The following KIAA1217 variants were observed in gnomAD, a reference collection of about 807,000 sequenced individuals.
KIAA1217 encodes KIAA1217.
KIAA1217 carries 88 observed loss-of-function variants against 163.9 expected under a neutral mutation model. The observed-to-expected ratio is 0.54, with a 90% CI of 0.45 to 0.64. KIAA1217 has a LOEUF of 0.64. Ranked by LOEUF, KIAA1217 falls within the 30% of genes least tolerant of loss-of-function variation. The pLI, the probability that KIAA1217 is intolerant of heterozygous loss-of-function variation, is 0.00. For missense variants in KIAA1217, 2,372 were observed against 2,475.0 expected (o/e 0.96, Z 0.88); for synonymous variants, 903 against 923.1 (o/e 0.98, Z 0.39).
chr10:24,532,953 C>A, intron 15 of KIAA1217, 117 bp from the exon 16 acceptor site: 2 of 850,316 alleles, frequency 2.4e-6, no homozygotes, highest in Non-Finnish European at 1.7e-6. Flanking sequence ...CAGCTATTTT[C>A]TCAGCTAAGA....
chr10:24,083,384 A>C (rs1203058664), intron 2 of KIAA1217, among the ~76,000 whole-genome samples: 2 of 152,170 alleles, frequency 1.3e-5, no homozygotes, highest in Non-Finnish European at 2.9e-5. Context: ...AATGTTCACT[A>C]TTTGAATAGC....
chr10:23,874,239 A>G (rs1250980428), intron 1 of KIAA1217, among the ~76,000 whole-genome samples: 3 of 151,992 alleles, frequency 2.0e-5, no homozygotes, highest in Non-Finnish European at 4.4e-5. Context: ...CCCTCCTTGA[A>G]TGGTGGTATG....
intron 2 of KIAA1217, among the ~76,000 whole-genome samples, chr10:24,279,200 C>T (rs537831130): frequency 6.6e-6 from 1 of 151,636 alleles, no homozygotes; most frequent in African/African-American, 2.4e-5. Flanking sequence ...CAGGGATTCC[C>T]CATTGTTTTG....
chr10:23,915,212 A>T (rs571100906), intron 1 of KIAA1217, among the ~76,000 whole-genome samples: 1 of 152,276 alleles, frequency 6.6e-6, no homozygotes, highest in Admixed American at 6.5e-5. Context: ...TGCTACAAAG[A>T]GGTCATGTAG....
intron 2 of KIAA1217, among the ~76,000 whole-genome samples, chr10:24,150,363 A>G (rs1345360643): frequency 2.0e-5 from 3 of 152,218 alleles, no homozygotes; most frequent in Non-Finnish European, 4.4e-5. Flanking sequence ...ATATTTAAAA[A>G]GAGAACCATC....
At chr10:24,526,435 T>C (rs775881807) in intron 13 of KIAA1217, among the ~76,000 whole-genome samples, 4 of 152,164 alleles carry the variant, frequency 2.6e-5, no homozygotes, top group Non-Finnish European at 5.9e-5. Flanking sequence ...AATTGGCAGA[T>C]CCGTCACTTA....
chr10:23,785,768 A>G (rs1023914780), intron 1 of KIAA1217, among the ~76,000 whole-genome samples: 3 of 152,162 alleles, frequency 2.0e-5, no homozygotes, highest in African/African-American at 4.8e-5. Flanking sequence ...CTTAGCACTC[A>G]GAAATATATG....
chr10:23,705,203 A>G (rs2130718009), intron 1 of KIAA1217, among the ~76,000 whole-genome samples: 1 of 152,142 alleles, frequency 6.6e-6, no homozygotes, highest in East Asian at 1.9e-4. Context: ...TTTCTTGCAA[A>G]TATTTTCTCT....
intron 1 of KIAA1217, among the ~76,000 whole-genome samples, chr10:23,921,473 C>T (rs779160009): frequency 4.6e-5 from 7 of 152,110 alleles, no homozygotes; most frequent in Non-Finnish European, 8.8e-5. Flanking sequence ...TTGGTGTTGC[C>T]TATCCTCTCT....
At position 24,215,981 on chromosome 10, in the gene KIAA1217, T is replaced by C. The variant is rs185077484; in HGVS notation, c.71-3645T>C. Among the ~76,000 whole-genome samples the C allele has an allele frequency of 5.2e-3, 788 of 152,360 alleles. 10 individuals carry two copies. The highest frequency in any genetic ancestry group is 0.018 in the African/African-American group (756 of 41,580). On this transcript the variant is annotated intron_variant, in intron 1 of 20. Transcript: ENST00000376454. ...GCCTTCTAGCCTTGCTAGTGGTTGA[T>C]GCTTTTTGTACCTTTCCTCTAAATC...
At chr10:24,053,806 T>C (rs1445237979) in intron 2 of KIAA1217, among the ~76,000 whole-genome samples, 3 of 152,144 alleles carry the variant, frequency 2.0e-5, no homozygotes, top group Non-Finnish European at 4.4e-5. Flanking sequence ...AATATATTTA[T>C]ATACAAAATG....
chr10:24,208,137 T>C (rs938547476), upstream of KIAA1217, among the ~76,000 whole-genome samples: 1 of 151,764 alleles, frequency 6.6e-6, no homozygotes, highest in Non-Finnish European at 1.5e-5. Context: ...TTTTTTTTTT[T>C]CGGACATCAT....
rs1385844212 is a variant in KIAA1217, at chr10:23,772,447, A to T, written c.-321+77213A>T. Among the ~76,000 whole-genome samples the T allele has an allele frequency of 2.6e-5, 4 of 152,218 alleles. No homozygotes were observed. In the South Asian group the frequency reaches 8.3e-4, roughly 31 times the overall value. On this transcript the variant is annotated intron_variant, in intron 1 of 18. Transcript: ENST00000376462. Reference sequence around the variant, plus strand: ...AATAATAATAATAAAGAAATGCAGGAGGATGAAAAGAAAGAAAGAACAACA... The same window carrying T: ...AATAATAATAATAAAGAAATGCAGGTGGATGAAAAGAAAGAAAGAACAACA...
intron 2 of KIAA1217, among the ~76,000 whole-genome samples, chr10:24,039,770 G>A (rs981170527): frequency 4.0e-5 from 6 of 151,680 alleles, no homozygotes; most frequent in Non-Finnish European, 8.8e-5. Context: ...ATATCCATAT[G>A]TATCTTATTG....
chr10:24,309,336 GCGCA>G (rs1157582242), intron 2 of KIAA1217, among the ~76,000 whole-genome samples: 27 of 90,644 alleles, frequency 3.0e-4, no homozygotes, highest in African/African-American at 9.9e-4. Flanking sequence ...AAATAGGCGC[GCGCA>G]CGCGCGCGCG....
chr10:24,318,352 A>G (rs908181008), intron 2 of KIAA1217, among the ~76,000 whole-genome samples: 1 of 152,194 alleles, frequency 6.6e-6, no homozygotes, highest in African/African-American at 2.4e-5. Context: ...GCCTCATTCA[A>G]TAAGTTGAAG....
intron 2 of KIAA1217, among the ~76,000 whole-genome samples, chr10:24,272,115 T>G (rs1317685737): frequency 6.6e-6 from 1 of 152,132 alleles, no homozygotes; most frequent in African/African-American, 2.4e-5. Flanking sequence ...CCTCATGCCT[T>G]GTTTTCCCTT....
chr10:23,859,197 G>A (rs994349089), intron 1 of KIAA1217, among the ~76,000 whole-genome samples: 1 of 152,136 alleles, frequency 6.6e-6, no homozygotes, highest in Non-Finnish European at 1.5e-5. Flanking sequence ...TTATAGATTG[G>A]TGGTTTCTTT....
chr10:24,043,204 A>T (rs546285887), intron 2 of KIAA1217, among the ~76,000 whole-genome samples: 1 of 152,324 alleles, frequency 6.6e-6, no homozygotes, highest in East Asian at 1.9e-4. Flanking sequence ...CAAGAACTAC[A>T]TATTAAAACA....
Sources: gnomAD v4.1 joint callset for allele counts (sites outside exome capture counted in the v4.1 genomes callset) on GRCh38, gnomAD v4.1.1 for gene constraint, MANE v1.5 for transcripts, NCBI Gene and HGNC (gene_info 2026-07-23, HGNC 2026-07-21) for gene names.